PDE10A: variants seen among roughly 807,000 people sequenced by gnomAD.
PDE10A encodes the protein phosphodiesterase 10A, also known as cAMP and cAMP-inhibited cGMP 3',5'-cyclic phosphodiesterase 10A.
In PDE10A, 39 loss-of-function variants were observed where a neutral mutation model predicts 97.7. That is an observed-to-expected ratio of 0.40 (90% CI 0.31 to 0.52). PDE10A has a LOEUF of 0.52. Among genes scored for constraint, PDE10A ranks in the 20% least tolerant of loss-of-function variants. The pLI is 0.56. For synonymous variants in PDE10A, 371 were observed against 376.8 expected, an observed-to-expected ratio of 0.98 and a Z score of 0.18; for missense variants, 731 against 1,047.8, an observed-to-expected ratio of 0.70 and a Z score of 4.17.
chr6:165,869,373 G>A (rs1394007860), intron 1 of PDE10A, among the ~76,000 whole-genome samples: 1 of 151,368 alleles, frequency 6.6e-6, no homozygotes, highest in Admixed American at 6.6e-5. Flanking sequence ...ACTCTTCCTA[G>A]GAATAAACCT....
chr6:165,537,868 A>G (rs1189879340), intron 2 of PDE10A, among the ~76,000 whole-genome samples: 1 of 151,972 alleles, frequency 6.6e-6, no homozygotes, highest in Admixed American at 6.6e-5. Context: ...AGTGTCCAAA[A>G]TTAGGTTTCA....
At chr6:165,958,549 G>A (rs1403632954) in intron 1 of PDE10A, among the ~76,000 whole-genome samples, 1 of 42,626 alleles carries the variant, frequency 2.3e-5, no homozygotes, top group Non-Finnish European at 4.8e-5. Flanking sequence ...AAGAAAGAAA[G>A]AAAGAAAGAA....
intron 1 of PDE10A, among the ~76,000 whole-genome samples, chr6:165,854,621 A>C (rs1281296079): frequency 6.6e-6 from 1 of 151,886 alleles, no homozygotes; most frequent in Non-Finnish European, 1.5e-5. Context: ...GTCTTGCTGG[A>C]GGTGAGGGGA....
At chr6:165,465,633 A>T (rs548387510) in intron 3 of PDE10A, among the ~76,000 whole-genome samples, 1 of 152,206 alleles carries the variant, frequency 6.6e-6, no homozygotes, top group Non-Finnish European at 1.5e-5. Context: ...ACTTACAATC[A>T]TAGTGGAAGG....
intron 2 of PDE10A, among the ~76,000 whole-genome samples, chr6:165,486,984 C>T (rs1284763105): frequency 5.3e-5 from 8 of 152,166 alleles, no homozygotes; most frequent in South Asian, 2.1e-4. Context: ...TTCTTTCCCA[C>T]GGCTGACACG....
At chr6:165,943,218 A>AGAAGGAAGGAAGGAAGGAAGGAAGGAAG (rs1783610580) in intron 1 of PDE10A, among the ~76,000 whole-genome samples, 14 of 76,460 alleles carry the variant, frequency 1.8e-4, no homozygotes, top group Middle Eastern at 5.3e-3. Context: ...AAAGAAAGAA[A>AGAAGGAAGGAAGGAAGGAAGGAAGGAAG]GAAAGAAAGA....
chr6:165,777,195 G>C (rs73030292), intron 1 of PDE10A, among the ~76,000 whole-genome samples: 36,126 of 152,126 alleles, frequency 0.24, 5,165 homozygotes, highest in Middle Eastern at 0.31. Context: ...GCTGGGAAGA[G>C]GAGATGGGCA....
intron 1 of PDE10A, among the ~76,000 whole-genome samples, chr6:165,570,372 A>G (rs1273861107): frequency 6.6e-6 from 1 of 152,226 alleles, no homozygotes; most frequent in Non-Finnish European, 1.5e-5. Flanking sequence ...ATTTAGCTCA[A>G]GCCACTAGGA....
chr6:165,718,615 G>T (rs1183934261), intron 1 of PDE10A, among the ~76,000 whole-genome samples: 1 of 152,024 alleles, frequency 6.6e-6, no homozygotes, highest in Admixed American at 6.6e-5. Flanking sequence ...CTAGAATGCA[G>T]GCTTGTGTGT....
intron 1 of PDE10A, among the ~76,000 whole-genome samples, chr6:165,824,445 A>G (rs772943707): frequency 4.6e-5 from 7 of 152,342 alleles, no homozygotes; most frequent in African/African-American, 1.7e-4. Context: ...TATGTAACTC[A>G]TACACTACAA....
intron 1 of PDE10A, among the ~76,000 whole-genome samples, chr6:165,899,954 A>T (rs1158428396): frequency 6.6e-6 from 1 of 152,072 alleles, no homozygotes; most frequent in Non-Finnish European, 1.5e-5. Context: ...CCCTTCAGAG[A>T]TCCACTGGGG....
intron 1 of PDE10A, among the ~76,000 whole-genome samples, chr6:165,558,520 C>T (rs189740382): frequency 6.6e-6 from 1 of 152,278 alleles, no homozygotes; most frequent in East Asian, 1.9e-4. Flanking sequence ...AGAAAAATCA[C>T]AGAATACATA....
At chr6:165,370,181 A>G (rs1223480311) in intron 18 of PDE10A, among the ~76,000 whole-genome samples, 1 of 152,166 alleles carries the variant, frequency 6.6e-6, no homozygotes, top group African/African-American at 2.4e-5. Flanking sequence ...TAACGAGCAA[A>G]ATAACCAGCC....
chr6:165,691,071 C>G (rs1484033301), intron 1 of PDE10A, among the ~76,000 whole-genome samples: 1 of 84,632 alleles, frequency 1.2e-5, no homozygotes, highest in East Asian at 5.1e-4. Flanking sequence ...TACTCTCTCT[C>G]TCTTTCTCTC....
At chr6:165,858,805 C>T (rs753385721) in intron 1 of PDE10A, among the ~76,000 whole-genome samples, 10 of 152,148 alleles carry the variant, frequency 6.6e-5, no homozygotes, top group Non-Finnish European at 1.2e-4. Flanking sequence ...GGGGGTACTC[C>T]CTGGACCTGG....
chr6:165,927,480 A>C (rs1346269867), intron 1 of PDE10A, among the ~76,000 whole-genome samples: 2 of 151,886 alleles, frequency 1.3e-5, no homozygotes, highest in Non-Finnish European at 2.9e-5. Flanking sequence ...TGATTTATGG[A>C]AATAATATAA....
chr6:165,799,651 T>G (rs1056737857), intron 1 of PDE10A, among the ~76,000 whole-genome samples: 3 of 152,194 alleles, frequency 2.0e-5, no homozygotes, highest in Admixed American at 6.5e-5. Context: ...TTTCACAGTT[T>G]CCAATCGTCT....
intron 1 of PDE10A, among the ~76,000 whole-genome samples, chr6:165,892,460 G>T (rs1458564814): frequency 1.3e-5 from 2 of 152,248 alleles, no homozygotes; most frequent in East Asian, 3.9e-4. Flanking sequence ...GGAATGCCGA[G>T]CCTGGCCACC....
intron 1 of PDE10A, among the ~76,000 whole-genome samples, chr6:165,742,179 G>A (rs1792742157): frequency 6.6e-6 from 1 of 152,124 alleles, no homozygotes; most frequent in African/African-American, 2.4e-5. Context: ...ATGTGACAAA[G>A]CCTAAATTAA....
Sources: allele counts gnomAD v4.1 joint callset (sites outside exome capture counted in the v4.1 genomes callset), GRCh38; gene constraint gnomAD v4.1.1; transcripts MANE v1.5; gene names NCBI Gene and HGNC (gene_info 2026-07-23, HGNC 2026-07-21).